The following AFAP1 variants were observed in gnomAD, a reference collection of about 807,000 sequenced individuals.
AFAP1 encodes the protein actin filament-associated protein 1.
Under a neutral mutation model 93.9 loss-of-function variants are expected in AFAP1, and 75 were observed. That is an observed-to-expected ratio of 0.80 (90% CI 0.66 to 0.97). AFAP1 has a LOEUF of 0.97. Ranked by LOEUF, AFAP1 falls within the 50% of genes least tolerant of loss-of-function variation. The pLI is 0.00. For missense variants in AFAP1, 1,201 were observed against 1,050.8 expected (o/e 1.14, Z -1.98); for synonymous variants, 517 against 430.7 (o/e 1.20, Z -2.48).
intron 6 of AFAP1, among the ~76,000 whole-genome samples, chr4:7,833,848 A>T (rs1356542244): frequency 1.3e-5 from 2 of 152,194 alleles, no homozygotes; most frequent in Non-Finnish European, 2.9e-5. Context: ...TCGGCCTCCC[A>T]AAGTGCTGGG....
chr4:7,781,265 A>AT, intron 13 of AFAP1, 111 bp downstream of exon 13: 2 of 1,351,990 alleles, frequency 1.5e-6, no homozygotes, highest in Non-Finnish European at 9.9e-7. Context: ...GAAAAAAAAA[A>AT]CACATTATGC....
At position 7,855,591 on chromosome 4, in the gene AFAP1, A is replaced by G. The variant is rs200004787; in HGVS notation, c.226-17T>C. 5.0e-5 allele frequency: 78 copies of G among 1,573,660 alleles called. No homozygotes were observed. In the African/African-American group the frequency reaches 9.4e-4, roughly 19 times the overall value. On this transcript the variant is annotated splice_polypyrimidine_tract_variant and intron_variant, in intron 3 of 17. Coordinates refer to ENST00000420658, the MANE Select transcript of AFAP1 (RefSeq NM_001134647.2). ...GTCAGGAGGCTGAGGAAGAAAGGAAAAGTGACACAGAAATTAGCATGACCA... is the reference window on the plus strand; with the variant it reads ...GTCAGGAGGCTGAGGAAGAAAGGAAGAGTGACACAGAAATTAGCATGACCA...
At chr4:7,886,311 C>T (rs1055415776) in intron 1 of AFAP1, among the ~76,000 whole-genome samples, 1 of 152,216 alleles carries the variant, frequency 6.6e-6, no homozygotes, top group Non-Finnish European at 1.5e-5. Flanking sequence ...GCTTTGGGGA[C>T]ACTCAATTTA....
chr4:7,821,045 G>A lies in AFAP1; in HGVS notation c.727-1874C>T, dbSNP rs531147755. On this transcript the variant is annotated intron_variant, in intron 6 of 17. Transcript: ENST00000420658. ...AGGCAGAAGAATCTCTTGAACCCAG[G>A]AGGCAGAGGTTGCGGTGAGCCGAGA... Among the ~76,000 whole-genome samples, 20 of 152,260 alleles carry A rather than the reference G, an allele frequency of 1.3e-4. 1 individual carries two copies. Among genetic ancestry groups the A allele is most frequent in the African/African-American group, 4.6e-4 (19 of 41,544 alleles).
chr4:7,813,056 A>C (rs767833996), intron 8 of AFAP1, among the ~76,000 whole-genome samples: 2 of 152,128 alleles, frequency 1.3e-5, no homozygotes, highest in Non-Finnish European at 2.9e-5. Flanking sequence ...AAGAAACAGG[A>C]GTTCCAGAGT....
intron 1 of AFAP1, among the ~76,000 whole-genome samples, chr4:7,889,542 CAAAA>C (rs576725041): frequency 3.3e-5 from 2 of 60,678 alleles, no homozygotes; most frequent in Admixed American, 1.9e-4. Context: ...AACTCCATCC[CAAAA>C]AAAAAAAAAA....
intron 4 of AFAP1, among the ~76,000 whole-genome samples, chr4:7,849,664 T>G (rs1714208233): frequency 1.3e-5 from 2 of 152,186 alleles, no homozygotes; most frequent in African/African-American, 4.8e-5. Context: ...CAGCTGTGTC[T>G]AGCGTTTTCA....
chr4:7,844,703 A>G (rs1042421556), intron 4 of AFAP1, among the ~76,000 whole-genome samples: 12 of 152,240 alleles, frequency 7.9e-5, no homozygotes, highest in South Asian at 2.1e-4. Flanking sequence ...TTAAACTGGC[A>G]AAGCCCTTGG....
chr4:7,792,580 C>G (rs538251684), intron 11 of AFAP1, among the ~76,000 whole-genome samples: 8 of 152,172 alleles, frequency 5.3e-5, no homozygotes, highest in African/African-American at 1.9e-4. Context: ...ACTAGTTTGT[C>G]TGTTGCTTTT....
chr4:7,869,068 GAAAAGAA>G (rs1340729156), intron 2 of AFAP1, among the ~76,000 whole-genome samples: 1 of 117,822 alleles, frequency 8.5e-6, no homozygotes, highest in Non-Finnish European at 1.8e-5. Context: ...AAGGGAAAGA[GAAAAGAA>G]AAAAGAAAAG....
Position 7,774,545 on chromosome 4 carries a change from G to A in AFAP1, c.2062+194C>T, listed in dbSNP as rs1715889528. ...CCTGGCCTCTGCCTGCACGCCGCAT[G>A]TTTGACCACACAGGCACCTGCCTCG... is the stretch of plus-strand genomic sequence containing the variant. On this transcript the variant is annotated intron_variant, in intron 15 of 17. Transcript: ENST00000420658. 8.3e-6 allele frequency: 7 copies of A among 839,906 alleles called. No homozygotes were observed. The South Asian group carries it at 1.2e-4, about 14-fold the overall frequency. 52.0% of individuals were successfully genotyped at this position (839,906 alleles called of 1,614,324 possible). A position where few individuals can be genotyped will look rare whatever the true frequency, so the allele number is the denominator to read the frequency against.
In AFAP1 at chr4:7,898,816, T is replaced by A. The variant is rs796704092; in HGVS notation, c.-2-26736A>T. Among the ~76,000 whole-genome samples, 1,248 of 151,094 alleles carry A rather than the reference T, an allele frequency of 8.3e-3. 54 individuals are homozygous for A. In the East Asian group the frequency reaches 0.12, roughly 14 times the overall value. ...CTGTGCTGGGCAGTAGAAGTGTGTG[T>A]GTGTGTGTGTGTGTGTGTGTGTCTA... On this transcript the variant is annotated intron_variant, in intron 1 of 17. Coordinates refer to ENST00000420658, the MANE Select transcript of AFAP1 (RefSeq NM_001134647.2).
At chr4:7,817,583 C>A (rs929489841) in intron 7 of AFAP1, among the ~76,000 whole-genome samples, 12 of 151,920 alleles carry the variant, frequency 7.9e-5, no homozygotes, top group African/African-American at 2.4e-4. Flanking sequence ...AAGGGCAAAA[C>A]TCCATCTCAG....
chr4:7,906,389 T>G (rs1719403359), intron 1 of AFAP1, among the ~76,000 whole-genome samples: 2 of 152,186 alleles, frequency 1.3e-5, no homozygotes, highest in African/African-American at 2.4e-5. Flanking sequence ...AACAAACGTA[T>G]GAAATCATTC....
chr4:7,875,371 C>T (rs1279493505), intron 1 of AFAP1, among the ~76,000 whole-genome samples: 3 of 152,194 alleles, frequency 2.0e-5, no homozygotes, highest in African/African-American at 4.8e-5. Context: ...ATTTTCCCTT[C>T]TATGAAATGA....
At chr4:7,800,359 T>TA in intron 10 of AFAP1, 83 bp downstream of exon 10, 1 of 1,424,392 alleles carries the variant, frequency 7.0e-7, no homozygotes, top group Non-Finnish European at 9.7e-7. Context: ...GGAATTTTGA[T>TA]AGAGGAGTCA....
Position 7,781,440 on chromosome 4 carries a change from G to T in AFAP1, c.1718C>A (p.Ala573Asp). The T allele has an allele frequency of 6.4e-7, 1 of 1,552,120 alleles. No homozygotes were observed. Among genetic ancestry groups the T allele is most frequent in the Non-Finnish European group, 8.7e-7 (1 of 1,147,070 alleles). ...GGTATTAGTGACAGACTGAGCGGAGGCAGGGTATTTGTAATGGTTAGAGGA... is the reference window on the plus strand; with the variant it reads ...GGTATTAGTGACAGACTGAGCGGAGTCAGGGTATTTGTAATGGTTAGAGGA... The part of the protein sequence containing the change: ...KLSSNHYKYP[A>D]SAQSVTNTSS... The change falls in exon 13 of 18, where the codon GCC becomes GAC. Residue 573 changes from alanine (A) to aspartate (D), a missense_variant. By Grantham distance (126) the Ala-to-Asp change is moderately radical. Transcript: ENST00000420658.
intron 1 of AFAP1, among the ~76,000 whole-genome samples, chr4:7,880,576 C>G (rs1052444861): frequency 6.6e-6 from 1 of 152,218 alleles, no homozygotes; most frequent in Non-Finnish European, 1.5e-5. Context: ...CCGCACCCGG[C>G]CCAAATGCCT....
At chr4:7,835,994 G>A (rs1167814540) in intron 6 of AFAP1, among the ~76,000 whole-genome samples, 3 of 152,132 alleles carry the variant, frequency 2.0e-5, no homozygotes, top group South Asian at 4.1e-4. Flanking sequence ...ATGCTCCTTG[G>A]TAGTGGAAAG....
Sources: gnomAD v4.1 joint callset for allele counts (sites outside exome capture counted in the v4.1 genomes callset) on GRCh38, gnomAD v4.1.1 for gene constraint, MANE v1.5 for transcripts, NCBI Gene and HGNC (gene_info 2026-07-23, HGNC 2026-07-21) for gene names.